The following NOXRED1 variants were observed in gnomAD, a reference collection of about 807,000 sequenced individuals.
The protein encoded by NOXRED1 is NADP dependent oxidoreductase domain containing 1.
Under a neutral mutation model 30.4 loss-of-function variants are expected in NOXRED1, and 20 were observed. That is an observed-to-expected ratio of 0.66 (90% CI 0.46 to 0.96). NOXRED1 has a LOEUF of 0.96. NOXRED1 is among the 40% of genes least tolerant of loss of function. NOXRED1 has a pLI of 0.00. For synonymous variants in NOXRED1, 155 were observed against 168.0 expected, an observed-to-expected ratio of 0.92 and a Z score of 0.60; for missense variants, 374 against 428.0, an observed-to-expected ratio of 0.87 and a Z score of 1.11.
At chr14:77,399,888 C>T (rs1894280247) in intron 5 of NOXRED1, among the ~76,000 whole-genome samples, 1 of 151,782 alleles carries the variant, frequency 6.6e-6, no homozygotes, top group South Asian at 2.1e-4. Context: ...AGACACCAAG[C>T]AGGATAAATA....
intron 2 of NOXRED1, 96 bp downstream of exon 2, chr14:77,413,838 T>C (rs1194958274): frequency 2.6e-5 from 20 of 781,958 alleles, no homozygotes; most frequent in Middle Eastern, 4.0e-4. Context: ...ACACGCTGTA[T>C]GCAAGGATTC....
At chr14:77,420,533 G>A (rs1894966552) in intron 1 of NOXRED1, among the ~76,000 whole-genome samples, 1 of 151,652 alleles carries the variant, frequency 6.6e-6, no homozygotes, top group Non-Finnish European at 1.5e-5. Flanking sequence ...CAAATTACAG[G>A]CCTGTAATCT....
intron 2 of NOXRED1, among the ~76,000 whole-genome samples, chr14:77,408,476 A>G (rs1894545072): frequency 6.6e-6 from 1 of 152,152 alleles, no homozygotes; most frequent in South Asian, 2.1e-4. Context: ...GATTACAGGC[A>G]TGAGCCCTAT....
At chr14:77,406,519 G>T in intron 4 of NOXRED1, 1 of 652,216 alleles carries the variant, frequency 1.5e-6, no homozygotes, top group Non-Finnish European at 2.7e-6. Context: ...GTTTTAATTT[G>T]TCCTTAAGAA....
chr14:77,403,995 G>T (rs1325709106), intron 5 of NOXRED1, among the ~76,000 whole-genome samples: 1 of 152,138 alleles, frequency 6.6e-6, no homozygotes, highest in Non-Finnish European at 1.5e-5. Context: ...GGCTGTAGAT[G>T]CAATCCCTCA....
chr14:77,419,252 T>C (rs1012417647), intron 1 of NOXRED1, among the ~76,000 whole-genome samples: 1 of 151,000 alleles, frequency 6.6e-6, no homozygotes, highest in Non-Finnish European at 1.5e-5. Flanking sequence ...TTTGTATTTT[T>C]AGTAGAGACA....
rs1894928542 is a variant in NOXRED1, at chr14:77,419,495, C to T, written c.155+3240G>A. On this transcript the variant is annotated intron_variant, in intron 1 of 5. Transcript: ENST00000380835. ...ACAGAGTCTCGCTCTTTCGCCCAGG[C>T]TGGACTGCAGTGGTGCAATCGTGGC... 6.9e-5 allele frequency among the ~76,000 whole-genome samples: 9 copies of T among 131,096 alleles called. No individual in the cohort carries two copies. In the Admixed American group the frequency reaches 8.2e-4, roughly 12 times the overall value. 86.0% of individuals were successfully genotyped at this position (131,096 alleles called of 152,430 possible).
intron 1 of NOXRED1, among the ~76,000 whole-genome samples, chr14:77,420,369 T>A (rs547977830): frequency 1.4e-5 from 2 of 146,150 alleles, no homozygotes; most frequent in Admixed American, 6.7e-5. Flanking sequence ...ATTTCATCAG[T>A]TTTTTTTTGT....
intron 4 of NOXRED1, 90 bp from the exon 5 acceptor site, chr14:77,406,225 G>T: frequency 4.8e-6 from 4 of 828,292 alleles, no homozygotes; most frequent in Non-Finnish European, 1.9e-6. Flanking sequence ...GTGAATAGCC[G>T]CCTTTTTTCC....
At chr14:77,425,821 C>T (rs1057267911), upstream of NOXRED1, among the ~76,000 whole-genome samples, 4 of 152,182 alleles carry the variant, frequency 2.6e-5, no homozygotes, top group South Asian at 2.1e-4. Context: ...GGCAAAACTG[C>T]CTCCAGTTGA....
rs1206891001 is a variant in NOXRED1, at chr14:77,406,145, A to G, written c.683-10T>C. ...TTGAGGATTATTCCCCCTACACATC[A>G]ATGAGAAGGTAAATACCAGTTAGCA... On this transcript the variant is annotated splice_polypyrimidine_tract_variant and intron_variant, in intron 4 of 5. Transcript: ENST00000380835. 4.0e-5 allele frequency: 63 copies of G among 1,591,022 alleles called. No individual in the cohort carries two copies. Among genetic ancestry groups the G allele is most frequent in the Non-Finnish European group, 4.2e-5 (49 of 1,160,166 alleles).
intron 5 of NOXRED1, among the ~76,000 whole-genome samples, chr14:77,398,610 A>G (rs10129477): frequency 0.18 from 27,692 of 152,106 alleles, 2,848 homozygotes; most frequent in Middle Eastern, 0.29. Context: ...GGCTCACTCA[A>G]AGACTGAGAC....
Position 77,423,089 on chromosome 14 carries a change from G to GT in NOXRED1, c.-201dup. On this transcript the variant is annotated 5_prime_UTR_variant, in exon 1 of 6. Coordinates refer to ENST00000380835, the MANE Select transcript of NOXRED1 (RefSeq NM_001113475.3). ...ACCTCTCTTGAATTCACACTCTAGA[G>GT]TGTGAGTGTTTGAGGATTCCTAATC... 1.9e-6 allele frequency: 1 copy of GT among 535,864 alleles called. No homozygotes were observed. The highest frequency in any genetic ancestry group is 3.3e-6 in the Non-Finnish European group (1 of 305,686). The allele number at this position is 535,864 out of a possible 1,614,324, so 33.2% of individuals were successfully genotyped here.
rs1395017830 is a variant in NOXRED1, at chr14:77,406,128, T to C, written c.690A>G (p.Ile230Met). 1.2e-6 allele frequency: 2 copies of C among 1,609,004 alleles called. No individual in the cohort carries two copies. Among genetic ancestry groups the C allele is most frequent in the African/African-American group, 1.3e-5 (1 of 74,960 alleles). ...ATCPYSPAGG[I>M]ILNIKWLEGV... is the part of the protein sequence containing the mutation. ...CCTCCAACCACTTGATATTGAGGAT[T>C]ATTCCCCCTACACATCAATGAGAAG... Residue 230 changes from isoleucine (I) to methionine (M), a missense_variant, in exon 5 of 6, where the codon ATA (isoleucine) becomes ATG (methionine). Ile to Met is a conservative substitution (Grantham distance 10). Coordinates refer to ENST00000380835, the MANE Select transcript of NOXRED1 (RefSeq NM_001113475.3).
In NOXRED1 at chr14:77,410,067, T is replaced by G. The variant is rs147993493; in HGVS notation, c.350-2422A>C. On this transcript the variant is annotated intron_variant, in intron 2 of 5. Transcript: ENST00000380835. ...ATGCAGCTGACTCAGTCTCTCAGAG[T>G]GCTGGGATTACCGGCATGAGCCACC... Among the ~76,000 whole-genome samples, 216 of 151,702 alleles carry G rather than the reference T, an allele frequency of 1.4e-3. 1 individual carries two copies. The highest frequency in any genetic ancestry group is 5.0e-3 in the African/African-American group (205 of 41,362).
intron 1 of NOXRED1, among the ~76,000 whole-genome samples, chr14:77,420,216 CT>C (rs1315287127): frequency 6.6e-6 from 1 of 152,048 alleles, no homozygotes; most frequent in Non-Finnish European, 1.5e-5. Flanking sequence ...TTCAAATTTG[CT>C]GATTCTTTCT....
chr14:77,397,881 CA>C (rs34854528), intron 5 of NOXRED1, among the ~76,000 whole-genome samples: 15,954 of 102,458 alleles, frequency 0.16, 872 homozygotes, highest in Middle Eastern at 0.29. Context: ...AACTCCATCT[CA>C]AAAAAAAAAA....
At chr14:77,421,500 T>A (rs779268838) in intron 1 of NOXRED1, among the ~76,000 whole-genome samples, 96 of 152,336 alleles carry the variant, frequency 6.3e-4, no homozygotes, top group Middle Eastern at 3.4e-3. Context: ...AGAAACCAGA[T>A]AACTTGGCTT....
intron 1 of NOXRED1, among the ~76,000 whole-genome samples, chr14:77,420,915 G>T (rs1044939016): frequency 6.6e-6 from 1 of 152,286 alleles, no homozygotes; most frequent in Non-Finnish European, 1.5e-5. Context: ...TATTGCAGGG[G>T]CTGATAATCT....
Sources: gnomAD v4.1 joint callset for allele counts (sites outside exome capture counted in the v4.1 genomes callset) on GRCh38, gnomAD v4.1.1 for gene constraint, MANE v1.5 for transcripts, NCBI Gene and HGNC (gene_info 2026-07-23, HGNC 2026-07-21) for gene names.